PHKB: variants seen among roughly 807,000 people sequenced by gnomAD.
PHKB encodes the protein phosphorylase kinase regulatory subunit beta.
PHKB carries 122 observed loss-of-function variants against 152.1 expected under a neutral mutation model. That is an observed-to-expected ratio of 0.80 (90% CI 0.69 to 0.93). PHKB has a LOEUF of 0.93. PHKB is among the 40% of genes least tolerant of loss of function. The probability of loss-of-function intolerance (pLI) is 0.00; values close to 1 mark genes in which losing one functional copy is unlikely to be tolerated. For synonymous variants in PHKB, 436 were observed against 464.9 expected (o/e 0.94, Z 0.80); for missense variants, 1,304 against 1,328.4 (o/e 0.98, Z 0.29).
At chr16:47,689,230 A>T (rs1264785349) in intron 27 of PHKB, 55 bp downstream of exon 27, 5 of 1,557,952 alleles carry the variant, frequency 3.2e-6, no homozygotes, top group Non-Finnish European at 4.4e-6. Flanking sequence ...ATAACATCAT[A>T]ATTTTTAGCT....
At chr16:47,685,136 T>C (rs1973939381) in intron 26 of PHKB, among the ~76,000 whole-genome samples, 1 of 152,068 alleles carries the variant, frequency 6.6e-6, no homozygotes, top group South Asian at 2.1e-4. Context: ...ATTTAAATGC[T>C]TTTGTACTGG....
intron 7 of PHKB, among the ~76,000 whole-genome samples, chr16:47,569,523 T>C (rs1971622916): frequency 6.6e-6 from 1 of 152,236 alleles, no homozygotes; most frequent in Admixed American, 6.5e-5. Flanking sequence ...AGTATTGATA[T>C]GGAGCTACTC....
At chr16:47,686,338 G>T (rs1290657938) in intron 26 of PHKB, among the ~76,000 whole-genome samples, 3 of 152,178 alleles carry the variant, frequency 2.0e-5, no homozygotes, top group Non-Finnish European at 4.4e-5. Context: ...TATTTTAGAA[G>T]ATACCTCCTG....
At chr16:47,472,883 T>G (rs1969797539) in intron 1 of PHKB, among the ~76,000 whole-genome samples, 1 of 151,416 alleles carries the variant, frequency 6.6e-6, no homozygotes, top group Non-Finnish European at 1.5e-5. Context: ...GAGGCTACAG[T>G]GAGGTCGCAC....
chr16:47,518,270 G>GCA (rs372488712), intron 6 of PHKB, among the ~76,000 whole-genome samples: 4 of 151,712 alleles, frequency 2.6e-5, no homozygotes, highest in Admixed American at 6.6e-5. Flanking sequence ...ATACATATGT[G>GCA]CACACACACA....
At chr16:47,513,050 T>C (rs1970536617) in intron 5 of PHKB, among the ~76,000 whole-genome samples, 1 of 152,236 alleles carries the variant, frequency 6.6e-6, no homozygotes, top group Non-Finnish European at 1.5e-5. Context: ...TATGTGTCTT[T>C]TCCTTTGATA....
chr16:47,660,637 C>A lies in PHKB; in HGVS notation c.2034-20C>A, dbSNP rs368210647. On this transcript the variant is annotated intron_variant, in intron 21 of 30. Transcript: ENST00000323584. The stretch of plus-strand genomic sequence containing the variant: ...CATTAGAAAAGCAGAAAATATGAAA[C>A]CTTTTCTTTTAATTTTTAGGCTTCC... 7 of 1,612,596 alleles carry A rather than the reference C, an allele frequency of 4.3e-6. No homozygotes were observed. The highest frequency in any genetic ancestry group is 4.5e-5 in the East Asian group (2 of 44,824).
intron 7 of PHKB, among the ~76,000 whole-genome samples, chr16:47,578,017 A>G (rs563106310): frequency 6.6e-6 from 1 of 151,514 alleles, no homozygotes; most frequent in African/African-American, 2.4e-5. Flanking sequence ...TTTCCATTCT[A>G]TTTTCTTTGT....
At chr16:47,496,480 A>C (rs1259548651) in intron 1 of PHKB, among the ~76,000 whole-genome samples, 1 of 151,854 alleles carries the variant, frequency 6.6e-6, no homozygotes, top group Non-Finnish European at 1.5e-5. Context: ...AATCTGTGCC[A>C]ATGTGATTTC....
At chr16:47,594,027 A>G in intron 11 of PHKB, 110 bp from the exon 12 acceptor site, 1 of 649,800 alleles carries the variant, frequency 1.5e-6, no homozygotes, top group South Asian at 1.9e-5. Flanking sequence ...CCATTGGCAT[A>G]GAAAATTACC....
chr16:47,699,195 G>A (rs1442895084), intron 30 of PHKB, 34 bp from the exon 31 acceptor site: 1 of 1,610,800 alleles, frequency 6.2e-7, no homozygotes, highest in African/African-American at 1.3e-5. Context: ...ACAAACAGAA[G>A]ATCGAATGCC....
intron 14 of PHKB, among the ~76,000 whole-genome samples, chr16:47,638,141 A>G (rs532082844): frequency 1.3e-5 from 2 of 152,192 alleles, no homozygotes; most frequent in South Asian, 2.1e-4. Context: ...AGACCATAGC[A>G]TTAAAGAAGG....
chr16:47,492,930 T>C (rs774542780), intron 1 of PHKB, among the ~76,000 whole-genome samples: 3 of 152,202 alleles, frequency 2.0e-5, no homozygotes, highest in Non-Finnish European at 4.4e-5. Context: ...AGATTAGGCT[T>C]GCAGGCACTT....
chr16:47,573,892 C>T (rs1971705229), intron 7 of PHKB, among the ~76,000 whole-genome samples: 1 of 152,072 alleles, frequency 6.6e-6, no homozygotes, highest in South Asian at 2.1e-4. Flanking sequence ...CCCTCCATCC[C>T]TGCTAGGGTG....
chr16:47,524,329 A>C (rs759887687), intron 6 of PHKB, among the ~76,000 whole-genome samples: 4 of 152,174 alleles, frequency 2.6e-5, no homozygotes, highest in Admixed American at 6.5e-5. Context: ...CAGTCATTTT[A>C]TAAGATCCAT....
intron 6 of PHKB, among the ~76,000 whole-genome samples, chr16:47,541,511 C>T (rs912723380): frequency 8.5e-5 from 13 of 152,172 alleles, no homozygotes; most frequent in Admixed American, 3.3e-4. Context: ...GGAATATACC[C>T]AGTAATGGGA....
chr16:47,469,261 T>C (rs557680356), intron 1 of PHKB, among the ~76,000 whole-genome samples: 18 of 152,344 alleles, frequency 1.2e-4, no homozygotes, highest in Non-Finnish European at 1.8e-4. Context: ...ATGGTTATTA[T>C]ATAGATGTTA....
chr16:47,675,109 A>C (rs1178038642), intron 26 of PHKB, among the ~76,000 whole-genome samples: 1 of 152,148 alleles, frequency 6.6e-6, no homozygotes, highest in African/African-American at 2.4e-5. Context: ...CTCAACAAAA[A>C]CTCTGTAAGT....
At chr16:47,565,156 G>T in intron 7 of PHKB, 1 of 551,486 alleles carries the variant, frequency 1.8e-6, no homozygotes, top group South Asian at 1.4e-5. Context: ...TTGCAGAACT[G>T]AACTTGGAAG....
Sources: allele counts gnomAD v4.1 joint callset (sites outside exome capture counted in the v4.1 genomes callset), GRCh38; gene constraint gnomAD v4.1.1; transcripts MANE v1.5; gene names NCBI Gene and HGNC (gene_info 2026-07-23, HGNC 2026-07-21).